The following MYCBP2 variants were observed in gnomAD, a reference collection of about 807,000 sequenced individuals.
The protein encoded by MYCBP2 is E3 ubiquitin-protein ligase MYCBP2.
A neutral mutation model predicts 525.3 loss-of-function variants in MYCBP2; 120 were observed. That is an observed-to-expected ratio of 0.23 (90% confidence interval 0.20 to 0.27). The LOEUF is 0.27. MYCBP2 is among the 10% of genes least tolerant of loss of function. The pLI, the probability that MYCBP2 is intolerant of heterozygous loss-of-function variation, is 1.00. For missense variants in MYCBP2, 4,149 were observed against 5,657.1 expected (o/e 0.73, Z 8.55); for synonymous variants, 1,894 against 1,955.8 (o/e 0.97, Z 0.83).
In MYCBP2 at chr13:77,224,487, T is replaced by A; in HGVS notation, c.2903A>T (p.Gln968Leu). The A allele has an allele frequency of 6.2e-7, 1 of 1,610,542 alleles. No individual in the cohort carries two copies. Among genetic ancestry groups the A allele is most frequent in the Non-Finnish European group, 8.5e-7 (1 of 1,178,118 alleles). The change falls in exon 20 of 83, where the codon CAG becomes CTG. Residue 968 changes from glutamine (Q) to leucine (L), a missense_variant. By Grantham distance (113) the Gln-to-Leu change is moderately radical. Around this residue, in one of 21 missense-constraint regions of MYCBP2, gnomAD observed 620 missense variants for 795.5 expected, o/e 0.78. Coordinates refer to ENST00000544440, the MANE Select transcript of MYCBP2 (RefSeq NM_015057.5). ...NGDVYTFGYG[Q>L]HGQLGHGDVN... Reference sequence around the variant, plus strand: ...ATCTCCATGTCCTAGCTGCCCATGCTGCCCATAACCAAATGTATAGACATC... The same window carrying A: ...ATCTCCATGTCCTAGCTGCCCATGCAGCCCATAACCAAATGTATAGACATC...
In MYCBP2 at chr13:77,061,751, T is replaced by C. The variant is rs2154072849; in HGVS notation, c.12814A>G (p.Ile4272Val). ...DNHDDGETAAIILCNVCGNLC... is the reference protein window; with the variant it reads ...DNHDDGETAAVILCNVCGNLC... ...TTTCCACAGACATTGCATAAAATGA[T>C]TGCTGCAGTTTCACCATCATCATGG... Residue 4272 changes from isoleucine (I) to valine (V), a missense_variant, in exon 75 of 83, where the codon ATC (isoleucine) becomes GTC (valine). By Grantham distance (29) the Ile-to-Val change is conservative. Transcript: ENST00000544440. 1 of 1,609,858 alleles carries C rather than the reference T, an allele frequency of 6.2e-7. No individual in the cohort carries two copies. Among genetic ancestry groups the C allele is most frequent in the Non-Finnish European group, 8.5e-7 (1 of 1,177,506 alleles).
intron 21 of MYCBP2, among the ~76,000 whole-genome samples, 173 bp downstream of exon 21, chr13:77,217,667 A>T (rs1165410023): frequency 1.3e-5 from 2 of 152,172 alleles, no homozygotes; most frequent in African/African-American, 4.8e-5. Context: ...ATTACTTCAA[A>T]GAATATCATT....
At position 77,061,758 on chromosome 13, in the gene MYCBP2, A is replaced by G. The variant is rs1197703626; in HGVS notation, c.12807T>C (p.Thr4269=). ...PMCDNHDDGE[T]AAIILCNVCG... is the part of the protein sequence containing the mutation. ...AGACATTGCATAAAATGATTGCTGC[A>G]GTTTCACCATCATCATGGTTATCAC... Residue 4269 remains threonine (T), a synonymous_variant, in exon 75 of 83, where the codon ACT becomes ACC. Transcript: ENST00000544440. The G allele has an allele frequency of 1.2e-6, 2 of 1,609,224 alleles. No homozygotes were observed. The highest frequency in any genetic ancestry group is 1.7e-6 in the Non-Finnish European group (2 of 1,177,104).
chr13:77,097,468 T>C lies in MYCBP2; in HGVS notation c.9686A>G (p.Gln3229Arg), dbSNP rs1487932339. ...PRGNLFGEMAQLAVGGPEKDT... is the reference protein window; with the variant it reads ...PRGNLFGEMARLAVGGPEKDT... ...TTTCTCTGGTCCTCCTACTGCCAGC[T>C]GGGCCATCTCTCCAAACAAATTACC... The change falls in exon 56 of 83, where the codon CAG (glutamine) becomes CGG (arginine). Residue 3229 changes from glutamine (Q) to arginine (R), a missense_variant. Coordinates refer to ENST00000544440, the MANE Select transcript of MYCBP2 (RefSeq NM_015057.5). The C allele has an allele frequency of 4.3e-6, 7 of 1,613,424 alleles. No individual in the cohort carries two copies. Among genetic ancestry groups the C allele is most frequent in the Non-Finnish European group, 1.7e-6 (2 of 1,179,768 alleles).
In MYCBP2 at chr13:77,313,880, T is replaced by C. The variant is rs145957420; in HGVS notation, c.302+12594A>G. Among the ~76,000 whole-genome samples the C allele has an allele frequency of 5.1e-3, 779 of 151,412 alleles. 3 individuals carry two copies. The highest frequency in any genetic ancestry group is 0.015 in the African/African-American group (621 of 41,216). Reference sequence around the variant, plus strand: ...CAGACACCTCACCGAACAAGATATATAGATGGCAAATAAGCGTTATGAAAA... The same window carrying C: ...CAGACACCTCACCGAACAAGATATACAGATGGCAAATAAGCGTTATGAAAA... On this transcript the variant is annotated intron_variant, in intron 1 of 82. Transcript: ENST00000544440.
intron 82 of MYCBP2, 94 bp downstream of exon 82, chr13:77,050,899 TTGAG>T: frequency 9.3e-7 from 1 of 1,076,114 alleles, no homozygotes; most frequent in South Asian, 1.6e-5. Flanking sequence ...CTAGTTTGAA[TTGAG>T]TTTCTGTCAC....
At chr13:77,089,695 G>A (rs984355949) in intron 60 of MYCBP2, among the ~76,000 whole-genome samples, 3 of 149,106 alleles carry the variant, frequency 2.0e-5, no homozygotes, top group Non-Finnish European at 4.5e-5. Context: ...TATCCCCAAA[G>A]TTTTATTATC....
At chr13:77,167,439 T>C (rs896609047) in intron 40 of MYCBP2, among the ~76,000 whole-genome samples, 2 of 151,834 alleles carry the variant, frequency 1.3e-5, no homozygotes, top group Non-Finnish European at 2.9e-5. Context: ...ATCTAACAAA[T>C]ACATAGGATC....
intron 26 of MYCBP2, among the ~76,000 whole-genome samples, chr13:77,198,283 T>C (rs749301878): frequency 6.6e-6 from 1 of 152,232 alleles, no homozygotes; most frequent in Non-Finnish European, 1.5e-5. Context: ...ATTTTTACTT[T>C]ATTCATTCTT....
chr13:77,316,158 A>C (rs2154379337), intron 1 of MYCBP2, among the ~76,000 whole-genome samples: 1 of 152,312 alleles, frequency 6.6e-6, no homozygotes, highest in Non-Finnish European at 1.5e-5. Flanking sequence ...ATGATTATTT[A>C]CACAGAACAT....
intron 55 of MYCBP2, chr13:77,103,298 C>T (rs527612562): frequency 2.3e-5 from 9 of 397,256 alleles, no homozygotes; most frequent in Admixed American, 1.3e-4. Flanking sequence ...AGCAAGGTTG[C>T]GAGATGGAGA....
chr13:77,253,132 A>G (rs974621342), intron 14 of MYCBP2, among the ~76,000 whole-genome samples: 20 of 152,070 alleles, frequency 1.3e-4, no homozygotes, highest in Admixed American at 5.9e-4. Flanking sequence ...TATATAAAAC[A>G]TAATACGTAA....
At chr13:77,065,482 T>C (rs2154077866) in intron 72 of MYCBP2, among the ~76,000 whole-genome samples, 1 of 152,256 alleles carries the variant, frequency 6.6e-6, no homozygotes, top group East Asian at 1.9e-4. Flanking sequence ...ATACAATGTG[T>C]GGAAAATGAC....
chr13:77,067,846 T>G lies in MYCBP2; in HGVS notation c.12190A>C (p.Arg4064=), dbSNP rs2040456427. ...VQRQVTSLLR[R]VLPEVTPSRL... ...CTAGGGGTTACTTCAGGCAAAACTC[T>G]TCTTAGTAAAGAGGTTACCTGGTAA... is the stretch of plus-strand genomic sequence containing the variant. Residue 4064 remains arginine (R), a synonymous_variant, in exon 71 of 83, where the codon AGA becomes CGA. Transcript: ENST00000544440. The G allele has an allele frequency of 6.2e-7, 1 of 1,613,330 alleles. No homozygotes were observed.
At chr13:77,279,212 A>T (rs2075938883) in intron 3 of MYCBP2, among the ~76,000 whole-genome samples, 2 of 152,200 alleles carry the variant, frequency 1.3e-5, no homozygotes, top group Admixed American at 6.5e-5. Context: ...AAGTCAACAC[A>T]GCACATATAG....
rs763964644 is a variant in MYCBP2 at position 77,096,411 on chromosome 13, G to A, written c.9855C>T (p.Asn3285=). Residue 3285 remains asparagine, a synonymous_variant, in exon 57 of 83, where the codon AAC becomes AAT. Coordinates refer to ENST00000544440, the MANE Select transcript of MYCBP2 (RefSeq NM_015057.5). ...IGHFCGGWAG[N]CGDGGIGGST... Reference sequence around the variant, plus strand: ...TTCCTCCTATGCCACCATCACCACAGTTACCAGCCCATCCTCCACAAAAAT... The same window carrying A: ...TTCCTCCTATGCCACCATCACCACAATTACCAGCCCATCCTCCACAAAAAT... The A allele has an allele frequency of 2.5e-6, 4 of 1,613,104 alleles. No homozygotes were observed. The highest frequency in any genetic ancestry group is 2.5e-6 in the Non-Finnish European group (3 of 1,179,572).
Position 77,205,394 on chromosome 13 carries a change from T to C in MYCBP2, c.3716-11A>G, listed in dbSNP as rs1207979379. ...AGCCTCCTCCATGACCTAGAATATA[T>C]AAATCATAATCTATGTTTTAAAAGA... On this transcript the variant is annotated splice_polypyrimidine_tract_variant and intron_variant, in intron 25 of 82. Coordinates refer to ENST00000544440, the MANE Select transcript of MYCBP2 (RefSeq NM_015057.5). 6.2e-7 allele frequency: 1 copy of C among 1,612,430 alleles called. No individual in the cohort carries two copies. The highest frequency in any genetic ancestry group is 2.2e-5 in the East Asian group (1 of 44,840).
intron 66 of MYCBP2, chr13:77,077,650 C>T: frequency 2.8e-6 from 1 of 359,532 alleles, no homozygotes; most frequent in Non-Finnish European, 5.0e-6. Flanking sequence ...GAATTAAAAT[C>T]CAGGCCTGAC....
At position 77,164,517 on chromosome 13, in the gene MYCBP2, A is replaced by G; in HGVS notation, c.6484T>C (p.Leu2162=). Residue 2162 remains leucine (L), a synonymous_variant, in exon 43 of 83, where the codon TTA becomes CTA. Coordinates refer to ENST00000544440, the MANE Select transcript of MYCBP2 (RefSeq NM_015057.5). ...DEGVIQLEKE[L]ANLGGVCAAA... is the part of the protein sequence containing the mutation. Reference sequence around the variant, plus strand: ...GCACAAACCCCACCAAGATTGGCTAATTCTTTTTCCAATTGGATGACTCCC... The same window carrying G: ...GCACAAACCCCACCAAGATTGGCTAGTTCTTTTTCCAATTGGATGACTCCC... 1.2e-6 allele frequency: 2 copies of G among 1,613,004 alleles called. No individual in the cohort carries two copies. The highest frequency in any genetic ancestry group is 1.7e-6 in the Non-Finnish European group (2 of 1,179,016).
Sources: allele counts gnomAD v4.1 joint callset (sites outside exome capture counted in the v4.1 genomes callset), GRCh38; gene constraint gnomAD v4.1.1; regional missense constraint gnomAD v4.1.1; transcripts MANE v1.5; gene names NCBI Gene and HGNC (gene_info 2026-07-23, HGNC 2026-07-21).